Variants in MOB3B observed in about 807,000 individuals in gnomAD.
MOB3B encodes the protein MOB kinase activator-like 2B.
A neutral mutation model predicts 18.7 loss-of-function variants in MOB3B; 7 were observed. That is an observed-to-expected ratio of 0.37 (90% CI 0.21 to 0.70). The LOEUF (loss-of-function observed/expected upper bound fraction) is 0.70. MOB3B is among the 30% of genes least tolerant of loss of function. The probability of loss-of-function intolerance (pLI) is 0.52; values close to 1 mark genes in which losing one functional copy is unlikely to be tolerated. For synonymous variants in MOB3B, 111 were observed against 99.9 expected (o/e 1.11, Z -0.66); for missense variants, 253 against 281.3 (o/e 0.90, Z 0.72).
chr9:27,358,785 G>T, intron 3 of MOB3B: 1 of 699,680 alleles, frequency 1.4e-6, no homozygotes, highest in East Asian at 2.9e-5. Flanking sequence ...TACTCCCTCT[G>T]ATCCAAACTA....
At chr9:27,377,578 A>C (rs1239379933) in intron 2 of MOB3B, among the ~76,000 whole-genome samples, 2 of 152,136 alleles carry the variant, frequency 1.3e-5, no homozygotes, top group Non-Finnish European at 2.9e-5. Context: ...CTGCACCCCC[A>C]GAGTTTCAGT....
intron 2 of MOB3B, among the ~76,000 whole-genome samples, chr9:27,439,075 G>T (rs1315964103): frequency 6.6e-6 from 1 of 152,040 alleles, no homozygotes; most frequent in African/African-American, 2.4e-5. Flanking sequence ...TAATATTAGT[G>T]AATATTTATT....
At chr9:27,369,443 T>TA (rs1821383168) in intron 2 of MOB3B, among the ~76,000 whole-genome samples, 1 of 152,256 alleles carries the variant, frequency 6.6e-6, no homozygotes, top group Non-Finnish European at 1.5e-5. Context: ...CCCTTGTAAC[T>TA]AAGCTTCCTT....
intron 1 of MOB3B, among the ~76,000 whole-genome samples, chr9:27,506,732 G>A (rs376810914): frequency 4.6e-5 from 7 of 150,720 alleles, no homozygotes; most frequent in East Asian, 2.0e-4. Context: ...GGGTTTCACC[G>A]TGTTAGCCAG....
intron 2 of MOB3B, among the ~76,000 whole-genome samples, chr9:27,369,919 A>G (rs1282164446): frequency 2.7e-5 from 4 of 145,622 alleles, no homozygotes; most frequent in South Asian, 2.2e-4. Flanking sequence ...ATACTACCAC[A>G]TCAACTTTTA....
chr9:27,501,150 G>T (rs530024166), intron 1 of MOB3B, among the ~76,000 whole-genome samples: 119 of 152,312 alleles, frequency 7.8e-4, no homozygotes, highest in African/African-American at 2.8e-3. Flanking sequence ...TACACTGTTG[G>T]TGGGAGTTTA....
intron 2 of MOB3B, among the ~76,000 whole-genome samples, chr9:27,389,216 C>T (rs991288245): frequency 2.4e-4 from 36 of 152,150 alleles, no homozygotes; most frequent in African/African-American, 8.4e-4. Flanking sequence ...GGCTCCACCC[C>T]AAACTTACTG....
intron 2 of MOB3B, among the ~76,000 whole-genome samples, chr9:27,425,861 C>T (rs1443826084): frequency 6.6e-6 from 1 of 152,146 alleles, no homozygotes; most frequent in East Asian, 1.9e-4. Context: ...ACCATCTTTT[C>T]ATCAATCAAA....
chr9:27,479,877 G>A (rs1442525773), intron 1 of MOB3B, among the ~76,000 whole-genome samples: 3 of 152,092 alleles, frequency 2.0e-5, no homozygotes, highest in Non-Finnish European at 2.9e-5. Context: ...GCAACATAGT[G>A]AGACCTAGTC....
In MOB3B at chr9:27,382,685, T is replaced by C. The variant is rs946049048; in HGVS notation, c.419-23449A>G. Among the ~76,000 whole-genome samples, 14 of 148,608 alleles carry C rather than the reference T, an allele frequency of 9.4e-5. No homozygotes were observed. The East Asian group carries it at 2.8e-3, about 30-fold the overall frequency. On this transcript the variant is annotated intron_variant, in intron 2 of 3. Coordinates refer to ENST00000262244, the MANE Select transcript of MOB3B (RefSeq NM_024761.5). ...ATAAATGTGAACTTGCAGTAAGATA[T>C]GCCTCTCTGGTGTGAAATGAGAGGT... is the stretch of plus-strand genomic sequence containing the variant.
intron 2 of MOB3B, among the ~76,000 whole-genome samples, chr9:27,389,497 T>C (rs1821696457): frequency 6.8e-6 from 1 of 146,636 alleles, no homozygotes; most frequent in Non-Finnish European, 1.5e-5. Context: ...CCATCTCTCT[T>C]GAGATGCCTC....
chr9:27,429,811 C>T (rs999512396), intron 2 of MOB3B, among the ~76,000 whole-genome samples: 4 of 152,260 alleles, frequency 2.6e-5, no homozygotes, highest in African/African-American at 9.6e-5. Flanking sequence ...TTCAAGGTTG[C>T]CCCTCAAAGG....
chr9:27,379,725 A>C (rs961658588), intron 2 of MOB3B, among the ~76,000 whole-genome samples: 3 of 152,184 alleles, frequency 2.0e-5, no homozygotes, highest in Non-Finnish European at 4.4e-5. Flanking sequence ...ACAGTCCAGG[A>C]AGCACCAGGA....
chr9:27,412,455 T>C (rs1822084845), intron 2 of MOB3B, among the ~76,000 whole-genome samples: 1 of 152,234 alleles, frequency 6.6e-6, no homozygotes, highest in Non-Finnish European at 1.5e-5. Context: ...ACTCTTTATC[T>C]ATACTTCAGT....
At chr9:27,486,315 A>C (rs768835048) in intron 1 of MOB3B, among the ~76,000 whole-genome samples, 24 of 152,238 alleles carry the variant, frequency 1.6e-4, no homozygotes, top group Non-Finnish European at 2.9e-4. Flanking sequence ...GTAAGCCAAT[A>C]CCTATCTAAA....
chr9:27,375,084 T>A (rs1232579584), intron 2 of MOB3B, among the ~76,000 whole-genome samples: 1 of 152,224 alleles, frequency 6.6e-6, no homozygotes, highest in African/African-American at 2.4e-5. Context: ...GGGCCATCCA[T>A]CCCAGCTGTT....
At chr9:27,372,201 A>G (rs868049922) in intron 2 of MOB3B, among the ~76,000 whole-genome samples, 12 of 152,194 alleles carry the variant, frequency 7.9e-5, no homozygotes, top group African/African-American at 2.2e-4. Flanking sequence ...AAGTGCTAAT[A>G]AAAACACAAT....
Position 27,420,547 on chromosome 9 carries a change from CCATATATATATATATATATATATATATA to C in MOB3B, c.418+34558_418+34585del, listed in dbSNP as rs1034739546. Reference sequence around the variant, plus strand: ...CATCTATATATTCCATCTGTATATTCCATATATATATATATATATATATATATATATATATATATATATATATATGGAA... The same window carrying C: ...CATCTATATATTCCATCTGTATATTCTATATATATATATATATATATGGAA... On this transcript the variant is annotated intron_variant, in intron 2 of 3. Transcript: ENST00000262244. 4.5e-5 allele frequency among the ~76,000 whole-genome samples: 2 copies of C among 44,804 alleles called. 1 individual carries two copies. The highest frequency in any genetic ancestry group is 1.9e-4 in the African/African-American group (2 of 10,534). 29.4% of individuals were successfully genotyped at this position (44,804 alleles called of 152,430 possible).
At position 27,327,361 on chromosome 9, in the gene MOB3B, A is replaced by G. The variant is rs1235373866; in HGVS notation, c.*3226T>C. On this transcript the variant is annotated 3_prime_UTR_variant, in exon 4 of 4. Coordinates refer to ENST00000262244, the MANE Select transcript of MOB3B (RefSeq NM_024761.5). ...CAGTCCTAATATCAGAAAAGAGACA[A>G]GTAGACATTATGTGCTTCCTGAGGT... The G allele has an allele frequency of 6.6e-6, 1 of 152,250 alleles. No homozygotes were observed. Among genetic ancestry groups the G allele is most frequent in the Non-Finnish European group, 1.5e-5 (1 of 68,040 alleles). The allele number at this position is 152,250 out of a possible 1,614,324, so 9.4% of individuals were successfully genotyped here. A position where few individuals can be genotyped will look rare whatever the true frequency, so the allele number is the denominator to read the frequency against.
Sources: allele counts gnomAD v4.1 joint callset (sites outside exome capture counted in the v4.1 genomes callset), GRCh38; gene constraint gnomAD v4.1.1; transcripts MANE v1.5; gene names NCBI Gene and HGNC (gene_info 2026-07-23, HGNC 2026-07-21).